DOCK1: variants seen among roughly 807,000 people sequenced by gnomAD.
The protein encoded by DOCK1 is dedicator of cytokinesis protein 1.
DOCK1 carries 138 observed loss-of-function variants against 262.7 expected under a neutral mutation model. The ratio of observed to expected loss-of-function variants is 0.53; its 90% CI spans 0.46 to 0.61. DOCK1 has a LOEUF of 0.61. Ranked by LOEUF, DOCK1 falls within the 20% of genes least tolerant of loss-of-function variation. DOCK1 has a pLI of 0.00. For missense variants in DOCK1, 1,908 were observed against 2,370.7 expected (o/e 0.80, Z 4.05); for synonymous variants, 866 against 867.4 (o/e 1.00, Z 0.03).
chr10:126,919,691 C>T (rs1564982879), intron 1 of DOCK1, among the ~76,000 whole-genome samples: 1 of 152,188 alleles, frequency 6.6e-6, no homozygotes, highest in African/African-American at 2.4e-5. Flanking sequence ...GCTGGATGAC[C>T]CCCCGATCCC....
intron 29 of DOCK1, among the ~76,000 whole-genome samples, chr10:127,277,951 A>G (rs928721719): frequency 7.2e-5 from 11 of 152,112 alleles, no homozygotes; most frequent in African/African-American, 2.7e-4. Flanking sequence ...CCTATTTTAT[A>G]TAATATTTCA....
intron 27 of DOCK1, among the ~76,000 whole-genome samples, chr10:127,206,866 C>G (rs1431022537): frequency 6.6e-6 from 1 of 152,222 alleles, no homozygotes; most frequent in East Asian, 1.9e-4. Flanking sequence ...TGGAACTTAA[C>G]AATGTGCTGT....
At chr10:127,240,620 T>C (rs1219979650) in intron 27 of DOCK1, among the ~76,000 whole-genome samples, 1 of 152,220 alleles carries the variant, frequency 6.6e-6, no homozygotes, top group East Asian at 1.9e-4. Flanking sequence ...TGACATTCAA[T>C]GTATGCGGCA....
At chr10:127,259,432 A>C (rs1365153483) in intron 29 of DOCK1, among the ~76,000 whole-genome samples, 1 of 152,220 alleles carries the variant, frequency 6.6e-6, no homozygotes, top group Non-Finnish European at 1.5e-5. Flanking sequence ...TAGTGAAAAC[A>C]AGCAAACACA....
At chr10:127,057,271 AGT>A (rs1342577322) in intron 22 of DOCK1, among the ~76,000 whole-genome samples, 1 of 152,176 alleles carries the variant, frequency 6.6e-6, no homozygotes, top group Non-Finnish European at 1.5e-5. Context: ...GGAATTCATG[AGT>A]GTGTTTTCCT....
chr10:126,975,067 G>A lies in DOCK1; in HGVS notation c.131-2881G>A, dbSNP rs767089551. 2.6e-5 allele frequency among the ~76,000 whole-genome samples: 4 copies of A among 151,894 alleles called. No homozygotes were observed. In the East Asian group the frequency reaches 7.7e-4, roughly 29 times the overall value. On this transcript the variant is annotated intron_variant, in intron 2 of 51. Coordinates refer to ENST00000623213, the MANE Select transcript of DOCK1 (RefSeq NM_001290223.2). ...TGGCCTCTCGTTTGCCTGTGTTCTCGTGCTGTTTGGTGTGCATCTGTTTTT... is the reference window on the plus strand; with the variant it reads ...TGGCCTCTCGTTTGCCTGTGTTCTCATGCTGTTTGGTGTGCATCTGTTTTT...
chr10:127,359,382 CTA>C (rs2064301417), intron 32 of DOCK1, among the ~76,000 whole-genome samples: 1 of 152,178 alleles, frequency 6.6e-6, no homozygotes, highest in Non-Finnish European at 1.5e-5. Context: ...TGACTGCTTT[CTA>C]TGTTTTTCCC....
At chr10:127,031,121 A>C (rs61873977) in intron 16 of DOCK1, among the ~76,000 whole-genome samples, 6,924 of 152,214 alleles carry the variant, frequency 0.045, 215 homozygotes, top group Non-Finnish European at 0.068. Flanking sequence ...GCAAGGCAGG[A>C]ATTGATTTTA....
intron 27 of DOCK1, among the ~76,000 whole-genome samples, chr10:127,236,235 GTTGTT>G (rs2059045363): frequency 6.6e-6 from 1 of 151,958 alleles, no homozygotes; most frequent in Admixed American, 6.5e-5. Context: ...AAAAAGTTTT[GTTGTT>G]TTAAGTTTTG....
intron 27 of DOCK1, chr10:127,138,027 AAG>A: frequency 3.1e-6 from 5 of 1,601,062 alleles, no homozygotes; most frequent in South Asian, 1.1e-5. Context: ...CACACTAGAA[AAG>A]AGAGAGAGTG....
In DOCK1 at chr10:126,996,760, G is replaced by T; in HGVS notation, c.486G>T (p.Leu162Phe). The T allele has an allele frequency of 6.2e-7, 1 of 1,610,388 alleles. No individual in the cohort carries two copies. Among genetic ancestry groups the T allele is most frequent in the South Asian group, 1.1e-5 (1 of 90,332 alleles). ...CTTGTTGTTCTAGAATTCTAGATTT[G>T]GACCTGGTGGTTAGAGATGAAGATG... is the stretch of plus-strand genomic sequence containing the variant. Reference protein sequence around the residue: ...KIDYGNRILDLDLVVRDEDGN... With the variant: ...KIDYGNRILDFDLVVRDEDGN... Residue 162 changes from leucine to phenylalanine, a missense_variant, in exon 7 of 52, where the codon TTG becomes TTT. Physicochemically the swap from Leu to Phe is conservative, Grantham distance 22. Transcript: ENST00000623213.
At chr10:127,326,226 C>T (rs1004007080) in intron 29 of DOCK1, among the ~76,000 whole-genome samples, 76 of 152,314 alleles carry the variant, frequency 5.0e-4, no homozygotes, top group African/African-American at 1.8e-3. Flanking sequence ...TCATTTGATG[C>T]TTCCTTTCAC....
intron 1 of DOCK1, among the ~76,000 whole-genome samples, chr10:126,941,029 A>G (rs1025517932): frequency 2.0e-5 from 3 of 152,234 alleles, no homozygotes; most frequent in Non-Finnish European, 4.4e-5. Flanking sequence ...TCATCTGTAC[A>G]TTCACATTTT....
In DOCK1 at chr10:127,061,764, C is replaced by A; in HGVS notation, c.2433C>A (p.Thr811=). The change falls in exon 23 of 52, where the codon ACC becomes ACA. Residue 811 remains threonine, a synonymous_variant. Coordinates refer to ENST00000623213, the MANE Select transcript of DOCK1 (RefSeq NM_001290223.2). ...NDMMSSMSDQ[T]VRVKGAALKY... Reference sequence around the variant, plus strand: ...TGATGAGCAGCATGTCAGACCAGACCGTCCGGGTGAAGGTGAGTGCCGGCC... The same window carrying A: ...TGATGAGCAGCATGTCAGACCAGACAGTCCGGGTGAAGGTGAGTGCCGGCC... 6.3e-7 allele frequency: 1 copy of A among 1,586,624 alleles called. No individual in the cohort carries two copies. Among genetic ancestry groups the A allele is most frequent in the Non-Finnish European group, 8.6e-7 (1 of 1,166,278 alleles).
At chr10:127,019,307 G>T (rs985319225) in intron 13 of DOCK1, among the ~76,000 whole-genome samples, 1 of 152,152 alleles carries the variant, frequency 6.6e-6, no homozygotes, top group African/African-American at 2.4e-5. Flanking sequence ...CAGGATTTGC[G>T]TGTTAACATT....
chr10:127,015,794 C>G (rs1004702356), intron 12 of DOCK1: 1 of 152,466 alleles, frequency 6.6e-6, no homozygotes, highest in Non-Finnish European at 1.5e-5. Flanking sequence ...GTTCTCCTGC[C>G]TACCCATTCC....
intron 32 of DOCK1, among the ~76,000 whole-genome samples, chr10:127,355,326 G>A (rs752408897): frequency 2.0e-5 from 3 of 152,144 alleles, no homozygotes; most frequent in Non-Finnish European, 2.9e-5. Context: ...AATTCTTATA[G>A]ATAAGCCCCT....
In DOCK1 at chr10:127,401,205, C is replaced by T. The variant is rs565735765; in HGVS notation, c.3928-1850C>T. Among the ~76,000 whole-genome samples the T allele has an allele frequency of 2.0e-5, 3 of 152,212 alleles. No individual in the cohort carries two copies. The South Asian group carries it at 6.2e-4, about 32-fold the overall frequency. On this transcript the variant is annotated intron_variant, in intron 38 of 51. Transcript: ENST00000623213. The stretch of plus-strand genomic sequence containing the variant: ...CAAACTGCCTTTGAAAAGCCCCTCC[C>T]CTAGGAACCTTTGGGGAGATTGATT...
rs1378977444 is a variant in DOCK1, at chr10:127,251,844, G to A, written c.2949+3735G>A. On this transcript the variant is annotated intron_variant, in intron 28 of 51. Transcript: ENST00000623213. ...GTGAATAGTGCCACAATAAACATACGTGTGCATGTGTCTTTATAGCAGCAT... is the reference window on the plus strand; with the variant it reads ...GTGAATAGTGCCACAATAAACATACATGTGCATGTGTCTTTATAGCAGCAT... Among the ~76,000 whole-genome samples, 152 of 146,212 alleles carry A rather than the reference G, an allele frequency of 1.0e-3. 1 individual carries two copies. The highest frequency in any genetic ancestry group is 7.1e-3 in the Middle Eastern group (2 of 282).
Sources: gnomAD v4.1 joint callset for allele counts (sites outside exome capture counted in the v4.1 genomes callset) on GRCh38, gnomAD v4.1.1 for gene constraint, MANE v1.5 for transcripts, NCBI Gene and HGNC (gene_info 2026-07-23, HGNC 2026-07-21) for gene names.